Variants in SLC14A2 observed in about 807,000 individuals in gnomAD.
SLC14A2 encodes the protein urea transporter 2.
SLC14A2 carries 91 observed loss-of-function variants against 104.6 expected under a neutral mutation model. The observed-to-expected ratio is 0.87, with a 90% CI of 0.73 to 1.04. The LOEUF (loss-of-function observed/expected upper bound fraction) is 1.04, where lower values mean the gene tolerates loss of function less well. SLC14A2 is among the 50% of genes least tolerant of loss of function. The pLI is 0.00. For missense variants in SLC14A2, 1,189 were observed against 1,156.0 expected, an observed-to-expected ratio of 1.03 and a Z score of -0.41; for synonymous variants, 476 against 466.4, an observed-to-expected ratio of 1.02 and a Z score of -0.27.
intron 2 of SLC14A2, among the ~76,000 whole-genome samples, chr18:45,548,274 C>T (rs772770965): frequency 1.3e-5 from 2 of 152,220 alleles, no homozygotes; most frequent in Non-Finnish European, 2.9e-5. Context: ...CAGAAAGACA[C>T]TTTGTGGCAT....
intron 2 of SLC14A2, among the ~76,000 whole-genome samples, chr18:45,525,949 G>A (rs970090718): frequency 2.0e-5 from 3 of 152,138 alleles, no homozygotes; most frequent in African/African-American, 7.2e-5. Flanking sequence ...ACAAATCTCA[G>A]CAAAATCAAT....
chr18:45,664,203 G>T (rs1337264372), intron 11 of SLC14A2, among the ~76,000 whole-genome samples: 1 of 152,210 alleles, frequency 6.6e-6, no homozygotes, highest in Non-Finnish European at 1.5e-5. Flanking sequence ...CTGCAGAGCA[G>T]CCTGGGTGGG....
At chr18:45,573,956 CTG>C (rs1292912835) in intron 2 of SLC14A2, among the ~76,000 whole-genome samples, 1 of 152,166 alleles carries the variant, frequency 6.6e-6, no homozygotes, top group African/African-American at 2.4e-5. Flanking sequence ...TCAAGGCAAA[CTG>C]GATTAGAGAA....
intron 1 of SLC14A2, among the ~76,000 whole-genome samples, chr18:45,339,927 G>A (rs550147166): frequency 4.6e-5 from 7 of 152,348 alleles, no homozygotes; most frequent in South Asian, 2.1e-4. Context: ...GGTCAGCTTC[G>A]CTGTGGTCAT....
intron 2 of SLC14A2, among the ~76,000 whole-genome samples, chr18:45,596,003 G>T (rs2044714812): frequency 6.6e-6 from 1 of 152,086 alleles, no homozygotes; most frequent in Non-Finnish European, 1.5e-5. Context: ...TGAGTGGTAC[G>T]GACTTCATCC....
chr18:45,195,414 C>G, the SLC14A2 span, among the ~76,000 whole-genome samples: 24 of 152,064 alleles, frequency 1.6e-4, no homozygotes, highest in South Asian at 5.0e-3. Context: ...TTCTTTGAGA[C>G]TAAGTCTTGC....
chr18:45,484,705 T>C (rs2087565226), intron 2 of SLC14A2, among the ~76,000 whole-genome samples: 1 of 152,174 alleles, frequency 6.6e-6, no homozygotes, highest in South Asian at 2.1e-4. Context: ...GGTTTCAAGA[T>C]ACTAGCTTTC....
intron 2 of SLC14A2, chr18:45,528,180 T>A (rs1217094651): frequency 1.2e-4 from 1 of 8,528 alleles, no homozygotes; most frequent in African/African-American, 2.3e-4. Flanking sequence ...TGTGTGTGTG[T>A]GCGGGGGGGG....
At chr18:45,530,375 A>G (rs922568299) in intron 2 of SLC14A2, among the ~76,000 whole-genome samples, 15 of 152,244 alleles carry the variant, frequency 9.9e-5, no homozygotes, top group African/African-American at 3.6e-4. Context: ...ATTATTAAAT[A>G]AGACAAAAAT....
chr18:45,598,879 C>T (rs1033200776), intron 2 of SLC14A2, among the ~76,000 whole-genome samples: 3 of 152,146 alleles, frequency 2.0e-5, no homozygotes, highest in Admixed American at 6.5e-5. Context: ...GCACGCAGAC[C>T]GCTTGCTTCA....
chr18:45,253,135 G>A (rs1341544692), intron 1 of SLC14A2, among the ~76,000 whole-genome samples: 3 of 152,124 alleles, frequency 2.0e-5, no homozygotes, highest in African/African-American at 2.4e-5. Context: ...TTGTTTGGCC[G>A]AAGTATATCC....
intron 8 of SLC14A2, among the ~76,000 whole-genome samples, chr18:45,642,136 G>C (rs139008381): frequency 1.8e-3 from 269 of 152,360 alleles, no homozygotes; most frequent in African/African-American, 6.0e-3. Context: ...TCCTGGTATT[G>C]TTCTCTGGAA....
intron 3 of SLC14A2, among the ~76,000 whole-genome samples, chr18:45,626,572 T>C (rs1488814968): frequency 6.6e-6 from 1 of 152,202 alleles, no homozygotes; most frequent in Non-Finnish European, 1.5e-5. Flanking sequence ...CATCCAGCAC[T>C]ACAGAAAAAA....
At chr18:45,661,918 C>T (rs1025128271) in intron 10 of SLC14A2, among the ~76,000 whole-genome samples, 13 of 152,324 alleles carry the variant, frequency 8.5e-5, no homozygotes, top group Middle Eastern at 3.4e-3. Flanking sequence ...CAGCTCAACA[C>T]TGACCCCTGG....
intron 1 of SLC14A2, among the ~76,000 whole-genome samples, chr18:45,419,572 G>A (rs1261505589): frequency 6.6e-6 from 1 of 152,132 alleles, no homozygotes; most frequent in African/African-American, 2.4e-5. Flanking sequence ...TCAGGAGATC[G>A]AGACCAGCCT....
chr18:45,357,521 C>T (rs181613370), intron 1 of SLC14A2, among the ~76,000 whole-genome samples: 4 of 152,148 alleles, frequency 2.6e-5, no homozygotes. Context: ...TTCAGTTAGA[C>T]ATGATAGCAC....
Position 45,632,401 on chromosome 18 carries a change from G to A in SLC14A2, c.573G>A (p.Leu191=). The change falls in exon 5 of 20, where the codon CTG becomes CTA. Residue 191 remains leucine, a synonymous_variant. Transcript: ENST00000255226. The part of the protein sequence containing the change: ...LHGYNGMLVG[L]LMAVFSEKLD... ...GGTACAACGGGATGCTGGTGGGACT[G>A]CTGATGGCCGTGTTCTCGGAGAAGT... 6.2e-7 allele frequency: 1 copy of A among 1,614,114 alleles called. No homozygotes were observed. The highest frequency in any genetic ancestry group is 1.1e-5 in the South Asian group (1 of 91,072).
Position 45,632,513 on chromosome 18 carries a change from T to C in SLC14A2, c.650+35T>C. 1.9e-6 allele frequency: 3 copies of C among 1,608,238 alleles called. No individual in the cohort carries two copies. The South Asian group carries it at 3.3e-5, about 18-fold the overall frequency. On this transcript the variant is annotated intron_variant, in intron 5 of 19. Transcript: ENST00000255226. ...CTCATTTTTTCTGCTCACAGCTCCA[T>C]GGGGCCCCCAAGACACTTGTGTCTT...
the SLC14A2 span, among the ~76,000 whole-genome samples, chr18:45,185,470 C>A: frequency 6.6e-6 from 1 of 152,084 alleles, no homozygotes; most frequent in African/African-American, 2.4e-5. Flanking sequence ...GCCCCAGAAT[C>A]GGGAGGAATA....
Sources: allele counts gnomAD v4.1 joint callset (sites outside exome capture counted in the v4.1 genomes callset), GRCh38; gene constraint gnomAD v4.1.1; transcripts MANE v1.5; gene names NCBI Gene and HGNC (gene_info 2026-07-23, HGNC 2026-07-21).